Variants in STK32C observed in about 807,000 individuals in gnomAD.
The protein encoded by STK32C is serine/threonine-protein kinase 32C.
A neutral mutation model predicts 56.5 loss-of-function variants in STK32C; 31 were observed. The observed-to-expected ratio is 0.55, with a 90% CI of 0.41 to 0.74. The LOEUF is 0.74. Ranked by LOEUF, STK32C falls within the 30% of genes least tolerant of loss-of-function variation. The pLI, the probability that STK32C is intolerant of heterozygous loss-of-function variation, is 0.00. For missense variants in STK32C, 544 were observed against 676.9 expected, an observed-to-expected ratio of 0.80 and a Z score of 2.18; for synonymous variants, 309 against 289.4, an observed-to-expected ratio of 1.07 and a Z score of -0.69.
upstream of STK32C, among the ~76,000 whole-genome samples, chr10:132,309,066 C>T (rs1010619499): frequency 6.6e-6 from 1 of 152,216 alleles, no homozygotes; most frequent in Non-Finnish European, 1.5e-5. Flanking sequence ...GCTGCCCGCC[C>T]GGACGATGAG....
intron 2 of STK32C, among the ~76,000 whole-genome samples, chr10:132,230,963 G>A (rs1045855452): frequency 2.6e-5 from 4 of 152,140 alleles, no homozygotes; most frequent in Admixed American, 6.5e-5. Context: ...TGGGCTTCCC[G>A]TGCCCTCTGG....
downstream of STK32C, among the ~76,000 whole-genome samples, chr10:132,323,518 T>C (rs80158735): frequency 8.5e-3 from 1,298 of 152,358 alleles, 22 homozygotes; most frequent in African/African-American, 0.029. This position sits in a 1 kb window ranked among gnomAD's most constrained non-coding sequence, Gnocchi z 4.8. Context: ...GCTGATCTAA[T>C]TGTGGCAGAC....
chr10:132,214,779 T>C (rs536751458), intron 10 of STK32C, among the ~76,000 whole-genome samples: 201 of 152,264 alleles, frequency 1.3e-3, no homozygotes, highest in Non-Finnish European at 2.1e-3. Context: ...CCACTGCACA[T>C]GAGGGGGCAG....
intron 10 of STK32C, among the ~76,000 whole-genome samples, chr10:132,216,283 G>T (rs925125421): frequency 6.6e-6 from 1 of 152,044 alleles, no homozygotes; most frequent in African/African-American, 2.4e-5. Context: ...TGGCCAACAT[G>T]GTGAAACCCT....
chr10:132,211,045 T>C (rs944086700), intron 10 of STK32C, among the ~76,000 whole-genome samples: 7 of 152,158 alleles, frequency 4.6e-5, no homozygotes, highest in African/African-American at 1.7e-4. Flanking sequence ...CCCTCTCCTC[T>C]CCATGTGGCT....
intron 1 of STK32C, among the ~76,000 whole-genome samples, chr10:132,305,521 C>G (rs1463191103): frequency 6.6e-6 from 1 of 152,212 alleles, no homozygotes; most frequent in Non-Finnish European, 1.5e-5. Flanking sequence ...CAACACAGCA[C>G]CAGGGCCTCC....
At position 132,267,266 on chromosome 10, in the gene STK32C, G is replaced by A. The variant is rs374097172; in HGVS notation, c.263-21311C>T. Among the ~76,000 whole-genome samples the A allele has an allele frequency of 4.4e-3, 664 of 152,352 alleles. 23 individuals carry two copies. In the South Asian group the frequency reaches 0.09, roughly 21 times the overall value. On this transcript the variant is annotated intron_variant, in intron 1 of 11. Transcript: ENST00000298630. ...GTCCCTTGAAACCTGGCCAAAATGC[G>A]AGAAGTCTGCACAGCCCAGCATTCA...
intron 10 of STK32C, among the ~76,000 whole-genome samples, chr10:132,214,746 G>A (rs919793353): frequency 1.3e-5 from 2 of 152,220 alleles, no homozygotes; most frequent in Admixed American, 6.5e-5. Flanking sequence ...AGGATTGCAC[G>A]AGAGGTGCCG....
intron 1 of STK32C, among the ~76,000 whole-genome samples, chr10:132,325,957 G>A (rs981694464): frequency 2.6e-5 from 4 of 152,036 alleles, no homozygotes; most frequent in African/African-American, 7.2e-5. Context: ...TCCTGACCTC[G>A]TGACCTGCCC....
At chr10:132,225,658 G>T in intron 5 of STK32C, 42 bp from the exon 6 acceptor site, 1 of 1,608,768 alleles carries the variant, frequency 6.2e-7, no homozygotes, top group East Asian at 2.2e-5. Flanking sequence ...CAGGACCAGA[G>T]ATGCATCCTT....
intron 1 of STK32C, among the ~76,000 whole-genome samples, chr10:132,281,821 T>C (rs1319089259): frequency 6.6e-6 from 1 of 152,158 alleles, no homozygotes; most frequent in Admixed American, 6.5e-5. Context: ...GAAGCCCGGG[T>C]GGGAGATCAG....
rs572624763 is a variant in STK32C at position 132,222,543 on chromosome 10, G to A, written c.1251+98C>T. ...AAACGGTCTGCTGGACTTCCGAGACGTGTGCGCTGCCAGGGGTCCCCACAC... is the reference window on the plus strand; with the variant it reads ...AAACGGTCTGCTGGACTTCCGAGACATGTGCGCTGCCAGGGGTCCCCACAC... On this transcript the variant is annotated intron_variant, in intron 10 of 11. Transcript: ENST00000298630. The A allele has an allele frequency of 7.3e-5, 106 of 1,458,906 alleles. 1 individual carries two copies. The highest frequency in any genetic ancestry group is 2.1e-4 in the East Asian group (9 of 42,518). 90.4% of individuals were successfully genotyped at this position (1,458,906 alleles called of 1,614,324 possible).
At chr10:132,310,811 T>G (rs537002633), upstream of STK32C, among the ~76,000 whole-genome samples, 6 of 152,298 alleles carry the variant, frequency 3.9e-5, no homozygotes, top group Admixed American at 3.3e-4. The surrounding 1 kb of genome is among the most constrained non-coding windows in gnomAD (Gnocchi z 4.6). Flanking sequence ...TGGGACCACT[T>G]TAGCTTGGGT....
At chr10:132,249,128 T>C (rs1424222131) in intron 1 of STK32C, 2 of 370,936 alleles carry the variant, frequency 5.4e-6, no homozygotes, top group Non-Finnish European at 1.1e-5. Flanking sequence ...GGCGGGGCTG[T>C]GGCGTCAGGG....
chr10:132,248,595 G>T (rs961167452), intron 1 of STK32C, among the ~76,000 whole-genome samples: 1 of 152,242 alleles, frequency 6.6e-6, no homozygotes, highest in Admixed American at 6.5e-5. Context: ...GCCCGTGGTC[G>T]GCACAGCCTT....
chr10:132,320,676 C>T (rs1013403039), downstream of STK32C, among the ~76,000 whole-genome samples: 6 of 152,112 alleles, frequency 3.9e-5, no homozygotes, highest in Admixed American at 2.0e-4. Context: ...ATGATGCTGG[C>T]GTCCGTTCAA....
chr10:132,211,258 G>C (rs76158858), intron 10 of STK32C, among the ~76,000 whole-genome samples: 1 of 152,168 alleles, frequency 6.6e-6, no homozygotes, highest in Admixed American at 6.5e-5. Flanking sequence ...CTAAGGCTCA[G>C]ACTACTCAGG....
At chr10:132,302,950 G>A (rs1427969009) in intron 1 of STK32C, among the ~76,000 whole-genome samples, 2 of 152,182 alleles carry the variant, frequency 1.3e-5, no homozygotes, top group Admixed American at 6.5e-5. Context: ...CCAACAAAAT[G>A]AACTTCAAAG....
chr10:132,318,292 A>AG lies in STK32C; in HGVS notation c.301+13143_301+13144insC, dbSNP rs1491178740. 1.3e-4 allele frequency among the ~76,000 whole-genome samples: 19 copies of AG among 150,216 alleles called. 1 individual carries two copies. The highest frequency in any genetic ancestry group is 2.6e-4 in the Admixed American group (4 of 15,108). On this transcript the variant is annotated intron_variant, in intron 1 of 3. Coordinates refer to the STK32C transcript ENST00000368620. ...CAAAAAAAAAGAGAGAGAGAGAGAG[A>AG]AAGAAAACAATCTAATAAAAACGTA...
Sources: allele counts gnomAD v4.1 joint callset (sites outside exome capture counted in the v4.1 genomes callset), GRCh38; gene constraint gnomAD v4.1.1; non-coding constraint Gnocchi (gnomAD v3.1); transcripts MANE v1.5; gene names NCBI Gene and HGNC (gene_info 2026-07-23, HGNC 2026-07-21).